Variants in CDH18 observed in about 807,000 individuals in gnomAD.
The protein encoded by CDH18 is cadherin-18.
CDH18 carries 31 observed loss-of-function variants against 67.9 expected under a neutral mutation model. That is an observed-to-expected ratio of 0.46 (90% CI 0.34 to 0.62). CDH18 has a LOEUF of 0.62. CDH18 is among the 20% of genes least tolerant of loss of function. The pLI is 0.01. For missense variants in CDH18, 890 were observed against 975.5 expected (o/e 0.91, Z 1.17); for synonymous variants, 362 against 347.2 (o/e 1.04, Z -0.48).
chr5:20,137,957 C>G (rs1749881104), intron 2 of CDH18, among the ~76,000 whole-genome samples: 1 of 152,106 alleles, frequency 6.6e-6, no homozygotes. Flanking sequence ...CTCCCTAACT[C>G]ATTTTATGAG....
At chr5:20,150,524 C>T (rs1241244575) in intron 2 of CDH18, among the ~76,000 whole-genome samples, 1 of 151,990 alleles carries the variant, frequency 6.6e-6, no homozygotes, top group African/African-American at 2.4e-5. Flanking sequence ...AAGGATGGGG[C>T]TGTGATAGGG....
intron 5 of CDH18, among the ~76,000 whole-genome samples, chr5:19,625,067 A>G (rs1264931301): frequency 6.6e-6 from 1 of 152,054 alleles, no homozygotes; most frequent in African/African-American, 2.4e-5. Context: ...TAATTAAATC[A>G]TACATAATAA....
intron 10 of CDH18, among the ~76,000 whole-genome samples, chr5:19,508,072 T>A (rs556385987): frequency 1.3e-5 from 2 of 151,570 alleles, no homozygotes; most frequent in African/African-American, 4.9e-5. Flanking sequence ...AAAAAAAGCT[T>A]CCAAAAACGA....
chr5:20,111,530 CCTT>C (rs1747461716), intron 2 of CDH18, among the ~76,000 whole-genome samples: 4 of 65,010 alleles, frequency 6.2e-5, no homozygotes, highest in Non-Finnish European at 1.6e-4. Flanking sequence ...TCCCTCCCTT[CCTT>C]CCTTCCTTCT....
At chr5:20,348,188 T>C (rs1474622832) in intron 1 of CDH18, among the ~76,000 whole-genome samples, 2 of 152,180 alleles carry the variant, frequency 1.3e-5, no homozygotes, top group Non-Finnish European at 2.9e-5. Context: ...TTATCCCACA[T>C]CTAATCTTTC....
intron 2 of CDH18, among the ~76,000 whole-genome samples, chr5:20,050,561 T>C (rs1031416232): frequency 1.3e-5 from 2 of 151,898 alleles, no homozygotes; most frequent in Admixed American, 1.3e-4. Flanking sequence ...TTATATACTT[T>C]TATGAGCTAA....
chr5:20,400,654 C>T (rs541731701), intron 1 of CDH18, among the ~76,000 whole-genome samples: 1 of 151,128 alleles, frequency 6.6e-6, no homozygotes, highest in South Asian at 2.1e-4. Context: ...CCCAGCTGCT[C>T]AGGAGGCTGA....
At chr5:19,821,394 A>G (rs992864723) in intron 3 of CDH18, among the ~76,000 whole-genome samples, 1 of 151,394 alleles carries the variant, frequency 6.6e-6, no homozygotes, top group African/African-American at 2.4e-5. Context: ...CAGTTAACCA[A>G]AAAACAAAAA....
intron 5 of CDH18, among the ~76,000 whole-genome samples, chr5:19,704,674 G>C (rs2150497264): frequency 6.6e-6 from 1 of 152,230 alleles, no homozygotes; most frequent in South Asian, 2.1e-4. Context: ...AAGCCAATTT[G>C]GATAGAACAT....
At chr5:20,195,719 T>A (rs1319525827) in intron 2 of CDH18, among the ~76,000 whole-genome samples, 1 of 152,140 alleles carries the variant, frequency 6.6e-6, no homozygotes, top group African/African-American at 2.4e-5. Flanking sequence ...AGGATAATTA[T>A]AAATATATAG....
At chr5:19,893,852 C>T (rs908862185) in intron 2 of CDH18, among the ~76,000 whole-genome samples, 1 of 151,962 alleles carries the variant, frequency 6.6e-6, no homozygotes, top group East Asian at 1.9e-4. Context: ...ATTTAGCCTC[C>T]TGTTATTTTT....
intron 2 of CDH18, among the ~76,000 whole-genome samples, chr5:19,902,819 C>G (rs1464852634): frequency 1.3e-5 from 2 of 152,192 alleles, no homozygotes; most frequent in Non-Finnish European, 2.9e-5. Flanking sequence ...GTTTCCCACT[C>G]TCTAAAGTGG....
At chr5:20,022,271 A>G (rs1345974187) in intron 2 of CDH18, among the ~76,000 whole-genome samples, 1 of 152,208 alleles carries the variant, frequency 6.6e-6, no homozygotes, top group Non-Finnish European at 1.5e-5. Flanking sequence ...TCTTACTGAA[A>G]TCATCCAATG....
chr5:20,095,299 A>AAAAGAAAGAAAGAAAGAAAG, intron 2 of CDH18, among the ~76,000 whole-genome samples: 1 of 72,964 alleles, frequency 1.4e-5, no homozygotes, highest in South Asian at 4.9e-4. Flanking sequence ...AACTTAAAGT[A>AAAAGAAAGAAAGAAAGAAAG]AAAGAAAGAA....
intron 8 of CDH18, among the ~76,000 whole-genome samples, chr5:19,570,569 A>G (rs1205309292): frequency 6.6e-6 from 1 of 152,188 alleles, no homozygotes; most frequent in Non-Finnish European, 1.5e-5. Context: ...TAAGTGAATG[A>G]AAACCAAGGA....
chr5:19,848,440 A>C (rs1198688181), intron 2 of CDH18, among the ~76,000 whole-genome samples: 3 of 152,082 alleles, frequency 2.0e-5, no homozygotes, highest in African/African-American at 7.2e-5. Context: ...GATATGGAGG[A>C]GGAGCCTCTT....
At chr5:20,146,794 T>G (rs4431346) in intron 2 of CDH18, among the ~76,000 whole-genome samples, 3,227 of 152,110 alleles carry the variant, frequency 0.021, 122 homozygotes, top group African/African-American at 0.072. Flanking sequence ...TAGTTTCCTT[T>G]TCATTTAAAA....
At chr5:20,511,524 A>C (rs1214720083) in intron 1 of CDH18, among the ~76,000 whole-genome samples, 1 of 152,222 alleles carries the variant, frequency 6.6e-6, no homozygotes, top group Non-Finnish European at 1.5e-5. Context: ...ATATATCTTC[A>C]GTGGAGATTA....
chr5:20,203,851 A>C (rs375341120), intron 2 of CDH18, among the ~76,000 whole-genome samples: 1 of 151,990 alleles, frequency 6.6e-6, no homozygotes, highest in Admixed American at 6.6e-5. Context: ...TTTTAAGAAA[A>C]CTCTATTATT....
Sources: gnomAD v4.1 joint callset for allele counts (sites outside exome capture counted in the v4.1 genomes callset) on GRCh38, gnomAD v4.1.1 for gene constraint, MANE v1.5 for transcripts, NCBI Gene and HGNC (gene_info 2026-07-23, HGNC 2026-07-21) for gene names.